RBMS3: variants seen among roughly 807,000 people sequenced by gnomAD.
RBMS3 encodes the protein RNA binding motif single stranded interacting protein 3, also known as RNA-binding motif, single-stranded-interacting protein 3.
RBMS3 carries 27 observed loss-of-function variants against 66.8 expected under a neutral mutation model. That is an observed-to-expected ratio of 0.40 (90% CI 0.30 to 0.56). The LOEUF (loss-of-function observed/expected upper bound fraction) is 0.56. Ranked by LOEUF, RBMS3 falls within the 20% of genes least tolerant of loss-of-function variation. The probability of loss-of-function intolerance (pLI) is 0.40; values close to 1 mark genes in which losing one functional copy is unlikely to be tolerated. For missense variants in RBMS3, 513 were observed against 549.5 expected (o/e 0.93, Z 0.66); for synonymous variants, 188 against 183.0 (o/e 1.03, Z -0.22).
At chr3:29,879,354 A>G (rs1237189577) in intron 7 of RBMS3, among the ~76,000 whole-genome samples, 1 of 152,126 alleles carries the variant, frequency 6.6e-6, no homozygotes, top group African/African-American at 2.4e-5. Flanking sequence ...TTTATACATA[A>G]TTTTTAATTA....
intron 7 of RBMS3, among the ~76,000 whole-genome samples, chr3:29,876,107 A>G (rs2059605448): frequency 6.6e-6 from 1 of 152,180 alleles, no homozygotes; most frequent in African/African-American, 2.4e-5. Context: ...AAGCTGTCAA[A>G]AGGACTTTTA....
intron 12 of RBMS3, among the ~76,000 whole-genome samples, chr3:29,958,311 C>T (rs371568280): frequency 3.9e-4 from 59 of 152,170 alleles, no homozygotes; most frequent in African/African-American, 1.3e-3. Context: ...GAAAGCCTTT[C>T]TTTTTTGTTG....
At chr3:29,545,952 A>G (rs1383916205) in intron 3 of RBMS3, among the ~76,000 whole-genome samples, 3 of 152,068 alleles carry the variant, frequency 2.0e-5, no homozygotes, top group Non-Finnish European at 4.4e-5. Flanking sequence ...ATTTTTAAAC[A>G]TTTTTTAACA....
chr3:29,622,798 A>T (rs776011145), intron 4 of RBMS3, among the ~76,000 whole-genome samples: 1 of 152,296 alleles, frequency 6.6e-6, no homozygotes, highest in South Asian at 2.1e-4. Context: ...CTTGTGCCTC[A>T]GTGTGCTCAT....
At chr3:29,515,712 C>T (rs115205815) in intron 3 of RBMS3, among the ~76,000 whole-genome samples, 1 of 152,180 alleles carries the variant, frequency 6.6e-6, no homozygotes, top group African/African-American at 2.4e-5. Context: ...TGGTGTGTAC[C>T]TTTCACTTCC....
At chr3:29,968,439 C>G (rs534351233) in intron 12 of RBMS3, among the ~76,000 whole-genome samples, 1 of 152,314 alleles carries the variant, frequency 6.6e-6, no homozygotes, top group South Asian at 2.1e-4. Context: ...TCCTGCCCCT[C>G]TGGCCACCCT....
At chr3:29,420,787 T>C (rs1488940261) in intron 1 of RBMS3, among the ~76,000 whole-genome samples, 1 of 151,956 alleles carries the variant, frequency 6.6e-6, no homozygotes, top group Non-Finnish European at 1.5e-5. Flanking sequence ...GAACACTCTA[T>C]GTTATAGTGA....
At chr3:29,895,947 C>G (rs1303979813) in intron 8 of RBMS3, among the ~76,000 whole-genome samples, 2 of 150,210 alleles carry the variant, frequency 1.3e-5, no homozygotes, top group Non-Finnish European at 3.0e-5. Context: ...GTCATTATAT[C>G]AGGTGTATAG....
intron 2 of RBMS3, among the ~76,000 whole-genome samples, chr3:29,473,460 G>C (rs1481080260): frequency 6.6e-6 from 1 of 152,252 alleles, no homozygotes; most frequent in African/African-American, 2.4e-5. Flanking sequence ...ATCCCGCACG[G>C]AGGCCGCAGG....
intron 8 of RBMS3, among the ~76,000 whole-genome samples, chr3:29,884,717 A>G (rs766906596): frequency 5.1e-4 from 77 of 151,942 alleles, no homozygotes; most frequent in Non-Finnish European, 8.5e-4. Flanking sequence ...AGAACAAGTC[A>G]TATAGCTTAA....
chr3:29,677,391 A>G (rs2051301933), intron 4 of RBMS3, among the ~76,000 whole-genome samples: 1 of 152,222 alleles, frequency 6.6e-6, no homozygotes, highest in Admixed American at 6.5e-5. Context: ...TTGAAATTAA[A>G]TAGTTATTGC....
At chr3:29,748,708 A>G (rs2055039234) in intron 5 of RBMS3, among the ~76,000 whole-genome samples, 1 of 152,162 alleles carries the variant, frequency 6.6e-6, no homozygotes, top group South Asian at 2.1e-4. Flanking sequence ...TGCATACCTC[A>G]CATAGCTCAG....
intron 12 of RBMS3, among the ~76,000 whole-genome samples, chr3:29,948,351 A>G (rs954962167): frequency 1.3e-5 from 2 of 151,728 alleles, no homozygotes; most frequent in Non-Finnish European, 1.5e-5. Context: ...TTAATTTGGA[A>G]TTTGTGATGT....
At chr3:29,752,958 A>G (rs984599846) in intron 5 of RBMS3, among the ~76,000 whole-genome samples, 2 of 152,216 alleles carry the variant, frequency 1.3e-5, no homozygotes, top group African/African-American at 4.8e-5. Flanking sequence ...TTTTCCTGTC[A>G]TAAAAGTTTC....
chr3:29,754,786 C>T (rs745783387), intron 5 of RBMS3, among the ~76,000 whole-genome samples: 1 of 152,114 alleles, frequency 6.6e-6, no homozygotes, highest in Non-Finnish European at 1.5e-5. Context: ...CAAGACTTTT[C>T]GTTAAGATAA....
At chr3:29,721,437 G>A (rs17550187) in intron 4 of RBMS3, among the ~76,000 whole-genome samples, 4,228 of 152,112 alleles carry the variant, frequency 0.028, 81 homozygotes, top group Admixed American at 0.062. Context: ...AGCAACCTTG[G>A]CATGACAGAT....
intron 1 of RBMS3, among the ~76,000 whole-genome samples, chr3:29,385,279 C>T (rs1275248014): frequency 6.6e-6 from 1 of 152,094 alleles, no homozygotes; most frequent in Non-Finnish European, 1.5e-5. Flanking sequence ...ATCCTATTAC[C>T]GCAGGACTCC....
At chr3:29,937,348 A>G (rs1368875269) in intron 11 of RBMS3, among the ~76,000 whole-genome samples, 3 of 152,042 alleles carry the variant, frequency 2.0e-5, no homozygotes, top group East Asian at 1.9e-4. Context: ...CCAAATATCT[A>G]TGTACAATAT....
rs531709845 is a variant in RBMS3 at position 29,373,231 on chromosome 3, T to C, written c.76-61512T>C. 7.9e-5 allele frequency among the ~76,000 whole-genome samples: 12 copies of C among 152,274 alleles called. No homozygotes were observed. In the East Asian group the frequency reaches 2.1e-3, roughly 27 times the overall value. On this transcript the variant is annotated intron_variant, in intron 1 of 14. Transcript: ENST00000383767. ...ATTTGCTTCCAGAACCCACTGATCA[T>C]GGGCAATCCAGTGAGTTCTCAGCAC...
Sources: allele counts gnomAD v4.1 joint callset (sites outside exome capture counted in the v4.1 genomes callset), GRCh38; gene constraint gnomAD v4.1.1; transcripts MANE v1.5; gene names NCBI Gene and HGNC (gene_info 2026-07-23, HGNC 2026-07-21).